WDFY4: variants seen among roughly 807,000 people sequenced by gnomAD.
WDFY4 encodes WDFY family member 4, also known as WD repeat- and FYVE domain-containing protein 4.
In WDFY4, 169 loss-of-function variants were observed where a neutral mutation model predicts 351.9. The ratio of observed to expected loss-of-function variants is 0.48; its 90% confidence interval spans 0.42 to 0.55. The LOEUF (loss-of-function observed/expected upper bound fraction) is 0.55. Ranked by LOEUF, WDFY4 falls within the 20% of genes least tolerant of loss-of-function variation. The pLI is 0.00. For missense variants in WDFY4, 3,803 were observed against 3,935.6 expected (o/e 0.97, Z 0.90); for synonymous variants, 1,622 against 1,574.6 (o/e 1.03, Z -0.71).
At chr10:48,843,041 G>A (rs191388121) in intron 39 of WDFY4, among the ~76,000 whole-genome samples, 145 of 152,282 alleles carry the variant, frequency 9.5e-4, no homozygotes, top group Middle Eastern at 3.4e-3. Flanking sequence ...CAAGCTCCAC[G>A]AATCAATGGA....
At chr10:48,734,964 G>A (rs1196875167) in intron 10 of WDFY4, among the ~76,000 whole-genome samples, 1 of 50,566 alleles carries the variant, frequency 2.0e-5, no homozygotes, top group Non-Finnish European at 4.1e-5. Context: ...TTTTTTTTTG[G>A]TATTTTAGTA....
chr10:48,688,426 A>T (rs938300507), intron 1 of WDFY4, among the ~76,000 whole-genome samples: 7 of 152,252 alleles, frequency 4.6e-5, no homozygotes, highest in African/African-American at 1.7e-4. Flanking sequence ...TCCAATTCAT[A>T]AACGTGGTCT....
At chr10:48,920,463 A>T (rs547584285) in intron 47 of WDFY4, among the ~76,000 whole-genome samples, 48 of 152,296 alleles carry the variant, frequency 3.2e-4, no homozygotes, top group African/African-American at 1.1e-3. Flanking sequence ...ACATGTATAC[A>T]TATGTAACTA....
intron 23 of WDFY4, among the ~76,000 whole-genome samples, chr10:48,794,535 G>T (rs2066791104): frequency 6.6e-6 from 1 of 152,112 alleles, no homozygotes; most frequent in Non-Finnish European, 1.5e-5. Flanking sequence ...TTAATCTAAG[G>T]AAATTGATGA....
In WDFY4 at chr10:48,965,829, C is replaced by CCAGTTAGATATAGATTATATCTATAT. The variant is rs1842054606; in HGVS notation, c.8437-686_8437-661dup. ...CAGTTAGATATAGATTATATCTATA[C>CCAGTTAGATATAGATTATATCTATAT]CAGTTAGATATAGATTATATCTATA... On this transcript the variant is annotated intron_variant, in intron 54 of 61. Coordinates refer to ENST00000325239, the MANE Select transcript of WDFY4 (RefSeq NM_001394531.1). 2.1e-3 allele frequency among the ~76,000 whole-genome samples: 10 copies of CCAGTTAGATATAGATTATATCTATAT among 4,872 alleles called. No individual in the cohort carries two copies. The Admixed American group carries it at 0.026, about 13-fold the overall frequency. The allele number at this position is 4,872 out of a possible 152,430, so 3.2% of individuals were successfully genotyped here. A position where few individuals can be genotyped will look rare whatever the true frequency, so the allele number is the denominator to read the frequency against.
At chr10:48,929,148 G>T (rs1338466825) in intron 47 of WDFY4, among the ~76,000 whole-genome samples, 1 of 152,098 alleles carries the variant, frequency 6.6e-6, no homozygotes, top group Non-Finnish European at 1.5e-5. Flanking sequence ...AGGATTCAGG[G>T]AGAGAATTTC....
intron 44 of WDFY4, among the ~76,000 whole-genome samples, chr10:48,891,829 C>A (rs987286571): frequency 6.6e-6 from 1 of 152,240 alleles, no homozygotes; most frequent in Non-Finnish European, 1.5e-5. Context: ...TAACCAAGAA[C>A]TTTAACTTCC....
At chr10:48,959,863 C>T (rs1399300028) in intron 53 of WDFY4, 50 bp downstream of exon 53, 1 of 1,495,784 alleles carries the variant, frequency 6.7e-7, no homozygotes, top group East Asian at 2.5e-5. Context: ...TGAACATCCC[C>T]TCAAGTTCCA....
intron 47 of WDFY4, among the ~76,000 whole-genome samples, chr10:48,930,034 T>C (rs1264563051): frequency 1.3e-5 from 2 of 152,218 alleles, no homozygotes; most frequent in African/African-American, 4.8e-5. Flanking sequence ...CTCCCCCACC[T>C]ACCCCAAGAC....
intron 18 of WDFY4, among the ~76,000 whole-genome samples, chr10:48,779,204 C>A (rs1304535853): frequency 1.3e-5 from 2 of 152,240 alleles, no homozygotes; most frequent in South Asian, 2.1e-4. Flanking sequence ...AGAACACACA[C>A]AATTTAGCTG....
intron 8 of WDFY4, among the ~76,000 whole-genome samples, chr10:48,730,532 G>A (rs1231664422): frequency 3.9e-5 from 6 of 152,172 alleles, no homozygotes; most frequent in Non-Finnish European, 5.9e-5. Context: ...AAAGGTAGGG[G>A]TGGGTCAGGA....
chr10:48,848,862 C>T (rs2068865174), intron 39 of WDFY4, among the ~76,000 whole-genome samples: 1 of 152,248 alleles, frequency 6.6e-6, no homozygotes, highest in Non-Finnish European at 1.5e-5. Flanking sequence ...ACAGGTGTGG[C>T]TCCTCTGTTC....
chr10:48,800,906 T>A (rs958327008), intron 24 of WDFY4, among the ~76,000 whole-genome samples: 4 of 152,064 alleles, frequency 2.6e-5, no homozygotes, highest in East Asian at 1.9e-4. Context: ...CTCATTTTTT[T>A]ATATTTAGTA....
intron 37 of WDFY4, among the ~76,000 whole-genome samples, chr10:48,829,459 T>A (rs1467064316): frequency 5.3e-5 from 8 of 152,224 alleles, no homozygotes; most frequent in Admixed American, 5.2e-4. Flanking sequence ...TGAGAGATTA[T>A]GCTCTCTCTT....
chr10:48,821,151 T>A lies in WDFY4; in HGVS notation c.5799T>A (p.Ser1933Arg). Residue 1933 changes from serine to arginine, a missense_variant, in exon 34 of 62, where the codon AGT becomes AGA. Ser to Arg is a moderately radical substitution (Grantham distance 110). Transcript: ENST00000325239. ...LSAMELFHMTSGGDAAMFRDG... is the reference protein window; with the variant it reads ...LSAMELFHMTRGGDAAMFRDG... ...CTATGGAACTATTCCACATGACAAG[T>A]GGAGGTGATGCAGCGATGTTCAGAG... 1 of 1,551,446 alleles carries A rather than the reference T, an allele frequency of 6.4e-7. No individual in the cohort carries two copies. Among genetic ancestry groups the A allele is most frequent in the Non-Finnish European group, 8.7e-7 (1 of 1,146,856 alleles).
At chr10:48,833,389 C>T (rs1025656205) in intron 39 of WDFY4, among the ~76,000 whole-genome samples, 8 of 152,140 alleles carry the variant, frequency 5.3e-5, no homozygotes, top group Admixed American at 6.5e-5. Context: ...ATGGCCTCCT[C>T]ATGTGAACTG....
At chr10:48,775,540 C>G (rs1328851816) in intron 14 of WDFY4, among the ~76,000 whole-genome samples, 172 bp from the exon 15 acceptor site, 1 of 152,188 alleles carries the variant, frequency 6.6e-6, no homozygotes, top group African/African-American at 2.4e-5. Flanking sequence ...CTGGTCTGGT[C>G]TGGCTGGCAG....
intron 30 of WDFY4, among the ~76,000 whole-genome samples, chr10:48,813,581 T>C (rs1013771263): frequency 5.3e-5 from 8 of 152,210 alleles, no homozygotes; most frequent in African/African-American, 1.9e-4. Flanking sequence ...TTCTAAACCC[T>C]AAGTTTAGAA....
rs752545012 is a variant in WDFY4, at chr10:48,914,127, C to T, written c.7586+12264C>T. ...GGCCACCTTGAGGGTGATCTTCTTG[C>T]CCTTGGGGCCTTTCTCACCCTTAAC... On this transcript the variant is annotated intron_variant, in intron 47 of 61. Transcript: ENST00000325239. The T allele has an allele frequency of 5.6e-6, 9 of 1,613,906 alleles. No individual in the cohort carries two copies. Among genetic ancestry groups the T allele is most frequent in the Middle Eastern group, 1.7e-4 (1 of 6,040 alleles).
Sources: gnomAD v4.1 joint callset for allele counts (sites outside exome capture counted in the v4.1 genomes callset) on GRCh38, gnomAD v4.1.1 for gene constraint, MANE v1.5 for transcripts, NCBI Gene and HGNC (gene_info 2026-07-23, HGNC 2026-07-21) for gene names.